CNOT9: variants seen among roughly 807,000 people sequenced by gnomAD.
The protein encoded by CNOT9 is RCD1 required for cell differentiation1 homolog.
A neutral mutation model predicts 37.4 loss-of-function variants in CNOT9; 8 were observed. The observed-to-expected ratio is 0.21, with a 90% CI of 0.13 to 0.39. The LOEUF (loss-of-function observed/expected upper bound fraction) is 0.39, where lower values mean the gene tolerates loss of function less well. Among genes scored for constraint, CNOT9 ranks in the 10% least tolerant of loss-of-function variants. CNOT9 has a pLI of 1.00. For synonymous variants in CNOT9, 120 were observed against 137.6 expected (o/e 0.87, Z 0.90); for missense variants, 154 against 365.3 (o/e 0.42, Z 4.71).
chr2:218,572,704 C>T (rs1010830003), intron 1 of CNOT9: 18 of 984,974 alleles, frequency 1.8e-5, no homozygotes, highest in Admixed American at 6.1e-5. Context: ...GTGAAACAAC[C>T]GGAGGTAAGC....
chr2:218,581,594 T>C (rs1184655324), intron 2 of CNOT9, among the ~76,000 whole-genome samples: 2 of 152,194 alleles, frequency 1.3e-5, no homozygotes, highest in African/African-American at 4.8e-5. Context: ...TTAACTGATA[T>C]GGTACAATAA....
rs376111866 is a variant in CNOT9 at position 218,594,159 on chromosome 2, C to A, written c.783C>A (p.Thr261=). ...TCCCTGACCAGCTGAAAGACACAACCTTCGCCCAGGTGCTAAAAGATGACA... is the reference window on the plus strand; with the variant it reads ...TCCCTGACCAGCTGAAAGACACAACATTCGCCCAGGTGCTAAAAGATGACA... The part of the protein sequence containing the change: ...QCLPDQLKDT[T]FAQVLKDDTT... Residue 261 remains threonine (T), a synonymous_variant, in exon 8 of 8, where the codon ACC becomes ACA. Coordinates refer to ENST00000273064, the MANE Select transcript of CNOT9 (RefSeq NM_005444.3). 4.3e-6 allele frequency: 7 copies of A among 1,614,122 alleles called. No homozygotes were observed. Among genetic ancestry groups the A allele is most frequent in the Non-Finnish European group, 5.9e-6 (7 of 1,180,050 alleles).
chr2:218,569,130 G>A (rs756974185), intron 1 of CNOT9, 152 bp downstream of exon 1: 14 of 831,930 alleles, frequency 1.7e-5, no homozygotes, highest in Non-Finnish European at 2.6e-5. Context: ...GCACGCTTTG[G>A]TTGTGGTGGA....
At chr2:218,579,466 A>T (rs993887833) in intron 1 of CNOT9, among the ~76,000 whole-genome samples, 4 of 152,098 alleles carry the variant, frequency 2.6e-5, no homozygotes, top group African/African-American at 9.7e-5. Context: ...CCAGTCTCTT[A>T]GTGAGAGATA....
chr2:218,570,405 A>G (rs1373933977), intron 1 of CNOT9, among the ~76,000 whole-genome samples: 1 of 152,248 alleles, frequency 6.6e-6, no homozygotes, highest in Admixed American at 6.5e-5. Context: ...TTTGATCTCC[A>G]TTGTCAGTTC....
intron 1 of CNOT9, 94 bp downstream of exon 1, chr2:218,569,072 C>T (rs981580554): frequency 7.0e-7 from 1 of 1,425,998 alleles, no homozygotes. Flanking sequence ...GGTCCCTAGT[C>T]TGATTTTTTT....
At chr2:218,586,351 G>C (rs1364865880) in intron 4 of CNOT9, among the ~76,000 whole-genome samples, 3 of 152,154 alleles carry the variant, frequency 2.0e-5, no homozygotes. Flanking sequence ...ATTCTTCTAA[G>C]AAGAGACACC....
At chr2:218,569,085 G>A (rs938144034) in intron 1 of CNOT9, 107 bp downstream of exon 1, 19 of 1,247,704 alleles carry the variant, frequency 1.5e-5, no homozygotes, top group Middle Eastern at 3.7e-4. Flanking sequence ...ATTTTTTTCT[G>A]CCCTCAATCT....
intron 5 of CNOT9, among the ~76,000 whole-genome samples, chr2:218,588,854 C>A (rs991114313): frequency 1.3e-5 from 2 of 151,732 alleles, no homozygotes; most frequent in Non-Finnish European, 2.9e-5. Flanking sequence ...GGATTACAGG[C>A]GTGAGCCACC....
chr2:218,579,883 A>G (rs986194741), intron 1 of CNOT9, among the ~76,000 whole-genome samples: 4 of 151,094 alleles, frequency 2.6e-5, no homozygotes, highest in African/African-American at 4.9e-5. Flanking sequence ...CAATGGTGCA[A>G]TCTCAGCTCA....
chr2:218,586,488 C>CTTT (rs779670750), intron 4 of CNOT9, among the ~76,000 whole-genome samples: 2 of 137,738 alleles, frequency 1.5e-5, no homozygotes, highest in Non-Finnish European at 1.6e-5. Flanking sequence ...CTGATCTCAG[C>CTTT]TTTTTTTTTT....
chr2:218,580,789 T>C (rs1694346127), intron 2 of CNOT9, 49 bp downstream of exon 2: 1 of 1,507,474 alleles, frequency 6.6e-7, no homozygotes, highest in Non-Finnish European at 9.1e-7. Flanking sequence ...ATTACACTTG[T>C]ATATTTCTTT....
At chr2:218,569,380 A>G (rs1190933244) in intron 1 of CNOT9, among the ~76,000 whole-genome samples, 1 of 152,188 alleles carries the variant, frequency 6.6e-6, no homozygotes, top group Non-Finnish European at 1.5e-5. Flanking sequence ...CGGGAAGGAA[A>G]TGGCTTCTAG....
Position 218,580,234 on chromosome 2 carries a change from G to A in CNOT9, c.25-327G>A, listed in dbSNP as rs950969008. 5.9e-5 allele frequency among the ~76,000 whole-genome samples: 9 copies of A among 152,222 alleles called. No homozygotes were observed. The East Asian group carries it at 9.7e-4, about 16-fold the overall frequency. ...CCCACCCAACATGGCCTCCCACAGCGCTGGGATTACAGGGGTGTGCCACCG... is the reference window on the plus strand; with the variant it reads ...CCCACCCAACATGGCCTCCCACAGCACTGGGATTACAGGGGTGTGCCACCG... On this transcript the variant is annotated intron_variant, in intron 1 of 7. Transcript: ENST00000273064.
intron 1 of CNOT9, among the ~76,000 whole-genome samples, chr2:218,577,379 A>T (rs938377793): frequency 6.6e-6 from 1 of 152,212 alleles, no homozygotes; most frequent in African/African-American, 2.4e-5. Context: ...CCTTTTGGCT[A>T]GAATGACAGC....
intron 5 of CNOT9, among the ~76,000 whole-genome samples, chr2:218,590,055 T>G (rs78300033): frequency 4.9e-5 from 1 of 20,508 alleles, no homozygotes. Context: ...CTTTTTTCTG[T>G]TTTTTTTTTT....
At position 218,572,775 on chromosome 2, in the gene CNOT9, A is replaced by G. The variant is rs1300757295; in HGVS notation, c.24+3797A>G. The G allele has an allele frequency of 1.6e-5, 12 of 746,720 alleles. No individual in the cohort carries two copies. The South Asian group carries it at 3.0e-4, about 19-fold the overall frequency. The allele number at this position is 746,720 out of a possible 1,614,324, so 46.3% of individuals were successfully genotyped here. On this transcript the variant is annotated intron_variant, in intron 1 of 7. Transcript: ENST00000273064. ...AATTTCCCACTGATTTCCACTGACA[A>G]TTCTAGCATCCCTAAACACTTGTCT...
At chr2:218,583,544 C>T (rs537995067) in intron 3 of CNOT9, among the ~76,000 whole-genome samples, 37 of 152,138 alleles carry the variant, frequency 2.4e-4, no homozygotes, top group East Asian at 3.9e-4. Context: ...CTATAATAGA[C>T]GAGAATTGGC....
In CNOT9 at chr2:218,583,015, A is replaced by C; in HGVS notation, c.249A>C (p.Thr83=). The C allele has an allele frequency of 6.2e-7, 1 of 1,613,892 alleles. No homozygotes were observed. Among genetic ancestry groups the C allele is most frequent in the Non-Finnish European group, 8.5e-7 (1 of 1,179,880 alleles). Residue 83 remains threonine (T), a synonymous_variant, in exon 3 of 8, where the codon ACA becomes ACC. Transcript: ENST00000273064. The stretch of plus-strand genomic sequence containing the variant: ...CATCTATCAACCCACCCACCTTGAC[A>C]GCACACCAGTCTAACAGAGTTTGCA... ...IYPSINPPTL[T]AHQSNRVCNA...
Sources: gnomAD v4.1 joint callset for allele counts (sites outside exome capture counted in the v4.1 genomes callset) on GRCh38, gnomAD v4.1.1 for gene constraint, MANE v1.5 for transcripts, NCBI Gene and HGNC (gene_info 2026-07-23, HGNC 2026-07-21) for gene names.